Variants in AR observed in about 807,000 individuals in gnomAD.
AR encodes the protein androgen receptor.
A neutral mutation model predicts 53.9 loss-of-function variants in AR; 8 were observed. The observed-to-expected ratio is 0.15, with a 90% CI of 0.09 to 0.27. The LOEUF is 0.27. Ranked by LOEUF, AR falls within the 10% of genes least tolerant of loss-of-function variation. The pLI, the probability that AR is intolerant of heterozygous loss-of-function variation, is 1.00. For missense variants in AR, 639 were observed against 742.5 expected (o/e 0.86, Z 1.62); for synonymous variants, 359 against 316.4 (o/e 1.13, Z -1.43).
intron 3 of AR, among the ~76,000 whole-genome samples, chrX:67,703,502 C>G (rs1443254347): frequency 9.0e-6 from 1 of 111,531 alleles, no homozygotes; most frequent in Admixed American, 9.6e-5. Context: ...TGTCTCCTAG[C>G]ATAGTTCCCA....
At chrX:67,648,616 T>G (rs937356740) in intron 2 of AR, among the ~76,000 whole-genome samples, 2 of 112,100 alleles carry the variant, frequency 1.8e-5, no homozygotes, top group African/African-American at 6.5e-5. Flanking sequence ...CTCATTGAAG[T>G]TGGTGCCCAC....
chrX:67,634,411 C>T (rs1046478105), intron 1 of AR, among the ~76,000 whole-genome samples: 9 of 111,757 alleles, frequency 8.1e-5, no homozygotes, highest in African/African-American at 2.9e-4. Flanking sequence ...TCACTGAATC[C>T]TCACTGCAGT....
chrX:67,546,303 G>C lies in AR; in HGVS notation c.1157G>C (p.Arg386Pro), dbSNP rs555361360. The C allele has an allele frequency of 5.0e-6, 6 of 1,199,831 alleles. No homozygotes were observed. The highest frequency in any genetic ancestry group is 2.3e-4 in the Middle Eastern group (1 of 4,307). ...CCGCCGCCTCCCCATCCCCACGCTC[G>C]CATCAAGCTGGAGAACCCGCTGGAC... is the stretch of plus-strand genomic sequence containing the variant. The part of the protein sequence containing the change: ...PPPPPPHPHA[R>P]IKLENPLDYG... Residue 386 changes from arginine to proline, a missense_variant, in exon 1 of 8, where the codon CGC (arginine) becomes CCC (proline). By Grantham distance (103) the Arg-to-Pro change is moderately radical. Transcript: ENST00000374690.
At chrX:67,552,697 A>G (rs1930040329) in intron 1 of AR, among the ~76,000 whole-genome samples, 1 of 112,278 alleles carries the variant, frequency 8.9e-6, no homozygotes, top group Non-Finnish European at 1.9e-5. Context: ...ATCCTTGCCA[A>G]CACTTGTTAT....
rs767632666 is a variant in AR, at chrX:67,656,094, G to A, written c.1768+12687G>A. Among the ~76,000 whole-genome samples, 23 of 112,023 alleles carry A rather than the reference G, an allele frequency of 2.1e-4. No homozygotes were observed. In the East Asian group the frequency reaches 2.3e-3, roughly 11 times the overall value. On this transcript the variant is annotated intron_variant, in intron 2 of 7. Transcript: ENST00000374690. ...AAGGTGGCAGCACAGAGCTCCCTGC[G>A]TTCTGGGCCCTGTCCCCTAGCTAGA... is the stretch of plus-strand genomic sequence containing the variant.
rs2147524035 is a variant in AR at position 67,711,395 on chromosome X, C to A, written c.1886-7C>A. ...GATAAATTCAAGTCTCTCTTCCTTC[C>A]CAATAGCCCGGAAGCTGAAGAAACT... is the stretch of plus-strand genomic sequence containing the variant. On this transcript the variant is annotated splice_region_variant and splice_polypyrimidine_tract_variant and intron_variant, in intron 3 of 7. Transcript: ENST00000374690. 1 of 1,184,217 alleles carries A rather than the reference C, an allele frequency of 8.4e-7. No homozygotes were observed. The highest frequency in any genetic ancestry group is 3.1e-5 in the East Asian group (1 of 32,409).
At chrX:67,569,976 C>T (rs951471994) in intron 1 of AR, among the ~76,000 whole-genome samples, 1 of 111,696 alleles carries the variant, frequency 9.0e-6, no homozygotes, top group Non-Finnish European at 1.9e-5. Flanking sequence ...CCCTCTCTTG[C>T]AGTTCTGGGC....
intron 3 of AR, among the ~76,000 whole-genome samples, chrX:67,700,393 A>G (rs2076037567): frequency 1.8e-5 from 2 of 111,627 alleles, no homozygotes; most frequent in South Asian, 7.6e-4. Flanking sequence ...AAGTCCTTGG[A>G]TACTGAGTAA....
At chrX:67,628,236 C>A (rs1472650394) in intron 1 of AR, among the ~76,000 whole-genome samples, 3 of 108,055 alleles carry the variant, frequency 2.8e-5, no homozygotes, top group East Asian at 2.9e-4. Context: ...GCAGTATGGC[C>A]ATTTTCACGA....
At chrX:67,695,386 CCT>C in intron 3 of AR, 1 of 753,742 alleles carries the variant, frequency 1.3e-6, no homozygotes, top group Non-Finnish European at 1.6e-6. Flanking sequence ...CCAGCCAACC[CCT>C]CTCTTCAAAC....
At chrX:67,701,205 T>A (rs764326849) in intron 3 of AR, among the ~76,000 whole-genome samples, 35 of 112,278 alleles carry the variant, frequency 3.1e-4, no homozygotes, top group African/African-American at 3.9e-4. Context: ...TTTAATTTTT[T>A]AAAATTTTTG....
At chrX:67,696,139 C>CTTTTTTTT (rs11428245) in intron 3 of AR, 1 of 435,762 alleles carries the variant, frequency 2.3e-6, no homozygotes, top group Non-Finnish European at 2.8e-6. Flanking sequence ...GATCTTTTTT[C>CTTTTTTTT]TTTTTTTTTT....
intron 2 of AR, among the ~76,000 whole-genome samples, chrX:67,656,418 C>T (rs905517774): frequency 2.7e-5 from 3 of 111,095 alleles, no homozygotes; most frequent in Admixed American, 9.6e-5. Flanking sequence ...CATTCCCAGG[C>T]ATTGAAACAA....
chrX:67,678,450 C>T (rs1180124163), intron 2 of AR, among the ~76,000 whole-genome samples: 1 of 111,976 alleles, frequency 8.9e-6, no homozygotes, highest in Admixed American at 9.5e-5. Flanking sequence ...CCAGCATCAT[C>T]TATGTTGCTG....
intron 3 of AR, among the ~76,000 whole-genome samples, chrX:67,696,857 A>T (rs993923455): frequency 1.8e-5 from 2 of 111,623 alleles, no homozygotes; most frequent in Non-Finnish European, 3.8e-5. Context: ...CCGATGAAAT[A>T]TAAAGAGTAG....
At chrX:67,593,769 A>C (rs1033967299) in intron 1 of AR, among the ~76,000 whole-genome samples, 3 of 112,818 alleles carry the variant, frequency 2.7e-5, no homozygotes, top group Non-Finnish European at 5.6e-5. Context: ...ACAAATATAC[A>C]TGAATTTTTC....
intron 2 of AR, among the ~76,000 whole-genome samples, chrX:67,682,732 C>T: frequency 8.9e-6 from 1 of 111,838 alleles, no homozygotes; most frequent in Middle Eastern, 4.6e-3. Flanking sequence ...AATGATTTTA[C>T]CTTGGCTCTA....
At chrX:67,711,792 A>G in intron 4 of AR, 103 bp downstream of exon 4, 1 of 878,834 alleles carries the variant, frequency 1.1e-6, no homozygotes, top group Non-Finnish European at 1.6e-6. Flanking sequence ...CCATTAACTC[A>G]GGCAGTCTTC....
intron 1 of AR, among the ~76,000 whole-genome samples, chrX:67,641,751 T>C (rs1184821655): frequency 9.0e-6 from 1 of 111,447 alleles, no homozygotes; most frequent in African/African-American, 3.3e-5. Flanking sequence ...GAATAAAGGC[T>C]GATATTTGTG....
Sources: gnomAD v4.1 joint callset for allele counts (sites outside exome capture counted in the v4.1 genomes callset) on GRCh38, gnomAD v4.1.1 for gene constraint, MANE v1.5 for transcripts, NCBI Gene and HGNC (gene_info 2026-07-23, HGNC 2026-07-21) for gene names.